DENND4C: variants seen among roughly 807,000 people sequenced by gnomAD.
The protein encoded by DENND4C is DENN domain containing 4C.
A neutral mutation model predicts 203.0 loss-of-function variants in DENND4C; 108 were observed. The ratio of observed to expected loss-of-function variants is 0.53; its 90% CI spans 0.46 to 0.62. DENND4C has a LOEUF of 0.62. DENND4C is among the 20% of genes least tolerant of loss of function. DENND4C has a pLI of 0.00. For missense variants in DENND4C, 2,481 were observed against 2,301.2 expected (o/e 1.08, Z -1.60); for synonymous variants, 871 against 792.4 (o/e 1.10, Z -1.67).
chr9:19,307,438 G>A (rs1839910732), intron 10 of DENND4C, among the ~76,000 whole-genome samples: 1 of 143,674 alleles, frequency 7.0e-6, no homozygotes, highest in Non-Finnish European at 1.5e-5. Context: ...AAATTATACA[G>A]AATAATGTAA....
intron 1 of DENND4C, among the ~76,000 whole-genome samples, chr9:19,256,205 CAG>C (rs1329720405): frequency 6.6e-6 from 1 of 150,936 alleles, no homozygotes; most frequent in Admixed American, 6.6e-5. Context: ...AAATCAGTAA[CAG>C]AAAGATTCTT....
intron 2 of DENND4C, among the ~76,000 whole-genome samples, chr9:19,281,021 G>T (rs559315142): frequency 6.6e-6 from 1 of 152,186 alleles, no homozygotes; most frequent in Non-Finnish European, 1.5e-5. Flanking sequence ...GATTACAGGA[G>T]TGAGCCACTG....
chr9:19,269,689 A>T (rs1831229150), intron 1 of DENND4C, among the ~76,000 whole-genome samples: 1 of 152,284 alleles, frequency 6.6e-6, no homozygotes, highest in South Asian at 2.1e-4. Flanking sequence ...GCTTCTTTAA[A>T]ACAGCTATTT....
intron 1 of DENND4C, among the ~76,000 whole-genome samples, chr9:19,245,764 G>A (rs1458603109): frequency 6.6e-6 from 1 of 151,884 alleles, no homozygotes; most frequent in Non-Finnish European, 1.5e-5. Context: ...GCTGAGGCGG[G>A]AGAATCGCTT....
intron 1 of DENND4C, among the ~76,000 whole-genome samples, chr9:19,243,363 T>A (rs1824259661): frequency 6.6e-6 from 1 of 152,202 alleles, no homozygotes; most frequent in Admixed American, 6.6e-5. Context: ...AAAATTAACA[T>A]AACATGAAAT....
chr9:19,240,207 C>T (rs1427547588), intron 1 of DENND4C, among the ~76,000 whole-genome samples: 22 of 152,054 alleles, frequency 1.4e-4, no homozygotes, highest in Admixed American at 1.4e-3. Context: ...CTTACATGAT[C>T]CTAGATGGTG....
chr9:19,311,399 TA>T (rs1168601245), intron 10 of DENND4C, among the ~76,000 whole-genome samples: 2 of 152,188 alleles, frequency 1.3e-5, no homozygotes, highest in African/African-American at 4.8e-5. Context: ...GTCCTAGAAT[TA>T]TAGGCATGAG....
At chr9:19,327,834 A>G (rs1310727360) in intron 15 of DENND4C, among the ~76,000 whole-genome samples, 196 bp from the exon 16 acceptor site, 2 of 152,108 alleles carry the variant, frequency 1.3e-5, no homozygotes, top group African/African-American at 4.8e-5. Flanking sequence ...TAGGGTGGGG[A>G]AGAGACAAAA....
intron 3 of DENND4C, among the ~76,000 whole-genome samples, chr9:19,287,521 C>T (rs901367495): frequency 6.6e-6 from 1 of 151,922 alleles, no homozygotes; most frequent in African/African-American, 2.4e-5. Context: ...GCTGGGACTA[C>T]AGGATAGTAG....
intron 10 of DENND4C, among the ~76,000 whole-genome samples, chr9:19,315,465 G>C (rs546102253): frequency 6.7e-6 from 1 of 150,236 alleles, no homozygotes; most frequent in African/African-American, 2.4e-5. Context: ...GTTGTCTGCT[G>C]TATTTTATAT....
rs1372216843 is a variant in DENND4C at position 19,358,174 on chromosome 9, A to T, written c.5160+14A>T. The T allele has an allele frequency of 6.2e-7, 1 of 1,605,854 alleles. No homozygotes were observed. The highest frequency in any genetic ancestry group is 1.7e-5 in the Admixed American group (1 of 59,900). ...CAGGAAGTTGTGGTATGTAACAACA[A>T]CAACATTGTAATTATACTGCATACA... On this transcript the variant is annotated intron_variant, in intron 28 of 32. Coordinates refer to ENST00000434457, the MANE Select transcript of DENND4C (RefSeq NM_001330640.2). The surrounding 1 kb of genome is among the most constrained non-coding windows in gnomAD (Gnocchi z 4.8).
chr9:19,307,039 C>T (rs983095301), intron 10 of DENND4C, among the ~76,000 whole-genome samples: 2 of 152,058 alleles, frequency 1.3e-5, no homozygotes, highest in African/African-American at 4.8e-5. Context: ...CCACCTTGGC[C>T]TCCCAAAGTG....
chr9:19,280,136 G>GCCTA (rs1554717083), intron 2 of DENND4C, among the ~76,000 whole-genome samples: 1 of 43,032 alleles, frequency 2.3e-5, no homozygotes, highest in Non-Finnish European at 4.9e-5. Flanking sequence ...CTGCCTACCT[G>GCCTA]CCTGCCTTCC....
chr9:19,303,886 T>A (rs2131356334), intron 9 of DENND4C, among the ~76,000 whole-genome samples: 1 of 152,202 alleles, frequency 6.6e-6, no homozygotes, highest in Non-Finnish European at 1.5e-5. Flanking sequence ...ATTTATTTAA[T>A]TTTTTTGTGG....
At position 19,336,774 on chromosome 9, in the gene DENND4C, C is replaced by T. The variant is rs1419109669; in HGVS notation, c.2823C>T (p.His941=). Reference sequence around the variant, plus strand: ...CTAATGATGCTAACAATGGGGAGCACACAGTCTTCGTCAGAGATTTAATCA... The same window carrying T: ...CTAATGATGCTAACAATGGGGAGCATACAGTCTTCGTCAGAGATTTAATCA... ...DSSNDANNGE[H]TVFVRDLIRL... Residue 941 remains histidine, a synonymous_variant, in exon 20 of 33, where the codon CAC becomes CAT. Transcript: ENST00000434457. 1.9e-6 allele frequency: 3 copies of T among 1,550,766 alleles called. No homozygotes were observed. In the African/African-American group the frequency reaches 4.1e-5, roughly 21 times the overall value.
chr9:19,366,280 G>A (rs866831420), intron 30 of DENND4C, among the ~76,000 whole-genome samples: 8 of 152,200 alleles, frequency 5.3e-5, no homozygotes, highest in African/African-American at 1.7e-4. Flanking sequence ...TGTATGGTCA[G>A]TTGCCTTTCA....
intron 29 of DENND4C, 143 bp from the exon 30 acceptor site, chr9:19,361,703 A>G (rs1178148468): frequency 1.4e-5 from 7 of 496,156 alleles, no homozygotes; most frequent in East Asian, 1.4e-4. Flanking sequence ...GTCATCAGAC[A>G]TTAATAAAAA....
At chr9:19,261,424 T>G (rs1829317203) in intron 1 of DENND4C, among the ~76,000 whole-genome samples, 1 of 151,196 alleles carries the variant, frequency 6.6e-6, no homozygotes. Context: ...GGGATTGCAT[T>G]TAATCTGTAG....
intron 2 of DENND4C, among the ~76,000 whole-genome samples, chr9:19,282,205 T>G (rs1815586797): frequency 6.6e-6 from 1 of 151,934 alleles, no homozygotes. Context: ...TTTAAATCCT[T>G]ATTTTATTAA....
Sources: allele counts gnomAD v4.1 joint callset (sites outside exome capture counted in the v4.1 genomes callset), GRCh38; gene constraint gnomAD v4.1.1; non-coding constraint Gnocchi (gnomAD v3.1); transcripts MANE v1.5; gene names NCBI Gene and HGNC (gene_info 2026-07-23, HGNC 2026-07-21).